KCNN2: variants seen among roughly 807,000 people sequenced by gnomAD.
The protein encoded by KCNN2 is potassium calcium-activated channel subfamily N member 2.
A neutral mutation model predicts 55.5 loss-of-function variants in KCNN2; 24 were observed. The ratio of observed to expected loss-of-function variants is 0.43; its 90% confidence interval spans 0.31 to 0.61. The LOEUF (loss-of-function observed/expected upper bound fraction) is 0.61. Ranked by LOEUF, KCNN2 falls within the 20% of genes least tolerant of loss-of-function variation. The pLI is 0.08. For missense variants in KCNN2, 754 were observed against 853.6 expected (o/e 0.88, Z 1.45); for synonymous variants, 431 against 336.1 (o/e 1.28, Z -3.09).
chr5:114,325,388 A>C (rs1756695430), intron 2 of KCNN2, among the ~76,000 whole-genome samples: 1 of 152,228 alleles, frequency 6.6e-6, no homozygotes, highest in Admixed American at 6.5e-5. Context: ...TGCTAAAATT[A>C]AATTATTTAC....
intron 1 of KCNN2, among the ~76,000 whole-genome samples, chr5:114,147,067 C>G (rs890040728): frequency 3.3e-5 from 5 of 152,160 alleles, no homozygotes; most frequent in African/African-American, 9.7e-5. Context: ...GAGATAACAG[C>G]AAACAGCTCG....
At chr5:114,478,757 A>G (rs11241279) in intron 5 of KCNN2, among the ~76,000 whole-genome samples, 57,866 of 152,024 alleles carry the variant, frequency 0.38, 12,378 homozygotes, top group Non-Finnish European at 0.48. Context: ...CAACATTCTT[A>G]AAGAATTTCC....
chr5:114,339,166 T>C (rs973554257), intron 2 of KCNN2, among the ~76,000 whole-genome samples: 2 of 152,210 alleles, frequency 1.3e-5, no homozygotes, highest in African/African-American at 2.4e-5. Context: ...CAATACTTGA[T>C]AGGGTTTCTC....
intron 2 of KCNN2, among the ~76,000 whole-genome samples, chr5:114,241,788 A>G (rs1187088963): frequency 0.058 from 874 of 15,050 alleles, 238 homozygotes; most frequent in Middle Eastern, 0.11. Flanking sequence ...ATATACGTAT[A>G]TATATGTATA....
At chr5:114,368,295 A>G (rs914366130) in intron 2 of KCNN2, among the ~76,000 whole-genome samples, 1 of 152,232 alleles carries the variant, frequency 6.6e-6, no homozygotes, top group Non-Finnish European at 1.5e-5. Flanking sequence ...AGGAGAAGCA[A>G]CAATGTTTAT....
chr5:114,491,946 A>G (rs889915955), intron 6 of KCNN2, among the ~76,000 whole-genome samples: 6 of 152,178 alleles, frequency 3.9e-5, no homozygotes, highest in Non-Finnish European at 7.4e-5. Flanking sequence ...ATCTTTCTCA[A>G]CAATATATTG....
intron 1 of KCNN2, among the ~76,000 whole-genome samples, chr5:114,163,870 G>T (rs558540245): frequency 3.3e-5 from 5 of 152,234 alleles, no homozygotes; most frequent in African/African-American, 1.2e-4. Context: ...TTAATGAAAT[G>T]GTTAGAAGAC....
At chr5:114,073,025 A>G (rs755399519) in intron 1 of KCNN2, among the ~76,000 whole-genome samples, 1 of 152,312 alleles carries the variant, frequency 6.6e-6, no homozygotes, top group Admixed American at 6.5e-5. Context: ...GTCATTCATG[A>G]ACAGGAGACA....
At chr5:114,100,590 G>A (rs1477602283) in intron 1 of KCNN2, among the ~76,000 whole-genome samples, 1 of 152,078 alleles carries the variant, frequency 6.6e-6, no homozygotes, top group Non-Finnish European at 1.5e-5. Flanking sequence ...GTATGTGTGT[G>A]TTTATGAGTG....
intron 1 of KCNN2, among the ~76,000 whole-genome samples, chr5:114,215,694 GGAAGAGA>G (rs1753987130): frequency 6.6e-6 from 1 of 152,024 alleles, no homozygotes; most frequent in Non-Finnish European, 1.5e-5. Flanking sequence ...CCTGCCTCTG[GGAAGAGA>G]CAAGATGGCA....
At chr5:114,409,634 C>CT (rs1028807568) in intron 3 of KCNN2, among the ~76,000 whole-genome samples, 5 of 151,980 alleles carry the variant, frequency 3.3e-5, no homozygotes, top group Non-Finnish European at 5.9e-5. Flanking sequence ...GATTTTTGGA[C>CT]TTTTTTAAAA....
chr5:114,330,450 A>G (rs1435748000), intron 2 of KCNN2, among the ~76,000 whole-genome samples: 1 of 152,246 alleles, frequency 6.6e-6, no homozygotes, highest in Non-Finnish European at 1.5e-5. Context: ...GTAACTTTTC[A>G]TTTTAAAGAC....
chr5:114,061,930 A>G (rs538097534), intron 1 of KCNN2, among the ~76,000 whole-genome samples: 1 of 152,324 alleles, frequency 6.6e-6, no homozygotes, highest in South Asian at 2.1e-4. Flanking sequence ...TGACTAGAGA[A>G]AAAATACAGG....
Position 114,126,338 on chromosome 5 carries a change from T to G in KCNN2, c.-271+69838T>G, listed in dbSNP as rs553351405. 1.7e-4 allele frequency among the ~76,000 whole-genome samples: 26 copies of G among 152,236 alleles called. No homozygotes were observed. The South Asian group carries it at 3.7e-3, about 22-fold the overall frequency. ...AGTTTAATTGACTCACAGTTCAGCA[T>G]GGCTGGGGAGGCCTCAGGAAACTTA... On this transcript the variant is annotated intron_variant, in intron 1 of 10. Transcript: ENST00000512097.
intron 2 of KCNN2, among the ~76,000 whole-genome samples, chr5:114,267,801 C>T (rs958422755): frequency 3.7e-4 from 57 of 152,242 alleles, no homozygotes; most frequent in Middle Eastern, 3.4e-3. Flanking sequence ...TATAGTCAGA[C>T]TTAATTAAGT....
chr5:114,279,407 C>A (rs1037066247), intron 2 of KCNN2, among the ~76,000 whole-genome samples: 1 of 152,118 alleles, frequency 6.6e-6, no homozygotes, highest in East Asian at 1.9e-4. Context: ...TCTGTTAACT[C>A]GTGATTTACA....
intron 5 of KCNN2, among the ~76,000 whole-genome samples, chr5:114,484,344 T>C (rs1266383877): frequency 6.6e-6 from 1 of 152,102 alleles, no homozygotes; most frequent in Non-Finnish European, 1.5e-5. Flanking sequence ...AGGTTAGGGA[T>C]AGGAAATTAC....
At chr5:114,335,501 C>T (rs1402399448) in intron 2 of KCNN2, among the ~76,000 whole-genome samples, 3 of 152,166 alleles carry the variant, frequency 2.0e-5, no homozygotes, top group Non-Finnish European at 4.4e-5. Context: ...TTTTATCTTA[C>T]TTTCTTGCAT....
In KCNN2 at chr5:114,178,448, T is replaced by C. The variant is rs562855018; in HGVS notation, c.-270-43032T>C. 1.4e-4 allele frequency among the ~76,000 whole-genome samples: 22 copies of C among 152,238 alleles called. No homozygotes were observed. In the South Asian group the frequency reaches 2.9e-3, roughly 20 times the overall value. On this transcript the variant is annotated intron_variant, in intron 1 of 10. Coordinates refer to the KCNN2 transcript ENST00000512097. The stretch of plus-strand genomic sequence containing the variant: ...ATGTGGTCAAGCTTGTTAAAGATAG[T>C]CAGTTTCTATGGAAGTACACACATT...
Sources: allele counts gnomAD v4.1 joint callset (sites outside exome capture counted in the v4.1 genomes callset), GRCh38; gene constraint gnomAD v4.1.1; transcripts MANE v1.5; gene names NCBI Gene and HGNC (gene_info 2026-07-23, HGNC 2026-07-21).